The following MYO7A variants were observed in gnomAD, a reference collection of about 807,000 sequenced individuals.
MYO7A encodes myosin VIIA.
In MYO7A, 210 loss-of-function variants were observed where a neutral mutation model predicts 263.8. The ratio of observed to expected loss-of-function variants is 0.80; its 90% confidence interval spans 0.71 to 0.89. The LOEUF (loss-of-function observed/expected upper bound fraction) is 0.89, where lower values mean the gene tolerates loss of function less well. Ranked by LOEUF, MYO7A falls within the 40% of genes least tolerant of loss-of-function variation. The pLI is 0.00. For missense variants in MYO7A, 2,820 were observed against 2,968.3 expected, an observed-to-expected ratio of 0.95 and a Z score of 1.16; for synonymous variants, 1,239 against 1,197.3, an observed-to-expected ratio of 1.03 and a Z score of -0.72.
rs782073796 is a variant in MYO7A at position 77,162,175 on chromosome 11, C to T, written c.1399C>T (p.Arg467Trp). The change falls in exon 13 of 49, where the codon CGG becomes TGG. Residue 467 changes from arginine to tryptophan, a missense_variant. By Grantham distance (101) the Arg-to-Trp change is moderately radical. Transcript: ENST00000409709. ...ANEHLQQFFVRHVFKLEQEEY... is the reference protein window; with the variant it reads ...ANEHLQQFFVWHVFKLEQEEY... Reference sequence around the variant, plus strand: ...TGAGCACCTGCAGCAGTTCTTTGTGCGGCACGTGTTCAAGCTGGAGCAGGA... The same window carrying T: ...TGAGCACCTGCAGCAGTTCTTTGTGTGGCACGTGTTCAAGCTGGAGCAGGA... 1.1e-5 allele frequency: 18 copies of T among 1,602,080 alleles called. No homozygotes were observed. The highest frequency in any genetic ancestry group is 4.5e-5 in the South Asian group (4 of 88,222).
chr11:77,173,232 G>A (rs1380201545), intron 16 of MYO7A, among the ~76,000 whole-genome samples: 1 of 152,218 alleles, frequency 6.6e-6, no homozygotes, highest in African/African-American at 2.4e-5. Flanking sequence ...ATGCAGTAAT[G>A]CTTGCAGATG....
intron 3 of MYO7A, among the ~76,000 whole-genome samples, chr11:77,144,202 G>GA (rs1397417329): frequency 1.2e-4 from 19 of 152,312 alleles, no homozygotes; most frequent in African/African-American, 4.6e-4. Flanking sequence ...TTGGGCCGTA[G>GA]AACCCAAGGC....
chr11:77,188,184 T>C (rs1955780422), intron 27 of MYO7A, among the ~76,000 whole-genome samples: 1 of 152,166 alleles, frequency 6.6e-6, no homozygotes, highest in Non-Finnish European at 1.5e-5. Context: ...TCCCCATCTG[T>C]AAAGTGAGTG....
chr11:77,206,263 A>G (rs1262266143), intron 41 of MYO7A, 61 bp downstream of exon 41: 1 of 1,332,784 alleles, frequency 7.5e-7, no homozygotes, highest in Non-Finnish European at 1.0e-6. Context: ...TCCTGGGTGG[A>G]CACCAAAGGT....
intron 1 of MYO7A, 27 bp from the exon 2 acceptor site, chr11:77,130,562 A>C (rs1195872949): frequency 2.5e-6 from 4 of 1,581,590 alleles, no homozygotes; most frequent in Non-Finnish European, 3.5e-6. Context: ...CCTGCCCAGA[A>C]GCATGACATG....
At chr11:77,157,452 G>A (rs1952601351) in intron 8 of MYO7A, 60 bp downstream of exon 8, 1 of 1,196,548 alleles carries the variant, frequency 8.4e-7, no homozygotes, top group Non-Finnish European at 1.2e-6. Context: ...TAGGGAGCTG[G>A]CTACTGCAGA....
intron 14 of MYO7A, among the ~76,000 whole-genome samples, chr11:77,165,563 G>T (rs1343677659): frequency 6.6e-6 from 1 of 152,132 alleles, no homozygotes; most frequent in African/African-American, 2.4e-5. Flanking sequence ...CTCCCTTTGG[G>T]GGCAGAGGAG....
chr11:77,178,669 G>A (rs1555081814), intron 19 of MYO7A, among the ~76,000 whole-genome samples: 1 of 152,228 alleles, frequency 6.6e-6, no homozygotes, highest in Non-Finnish European at 1.5e-5. Flanking sequence ...TCAGTCAGAA[G>A]ACATGGGCTC....
chr11:77,133,667 T>C (rs1388580549), intron 2 of MYO7A, among the ~76,000 whole-genome samples: 1 of 152,212 alleles, frequency 6.6e-6, no homozygotes, highest in East Asian at 1.9e-4. Context: ...GTTTTTGTTT[T>C]GTTTTGTTTT....
intron 14 of MYO7A, among the ~76,000 whole-genome samples, chr11:77,165,842 C>T (rs1953488213): frequency 6.6e-6 from 1 of 152,082 alleles, no homozygotes; most frequent in Non-Finnish European, 1.5e-5. Context: ...TTGAACAGGC[C>T]TGGAAGAGGG....
chr11:77,204,712 C>A (rs115810006), intron 39 of MYO7A, among the ~76,000 whole-genome samples: 3,699 of 152,296 alleles, frequency 0.024, 145 homozygotes, highest in African/African-American at 0.083. Context: ...CAGGCACAGG[C>A]TCCTCTCAGA....
rs748007093 is a variant in MYO7A, at chr11:77,201,571, G to A, written c.4976G>A (p.Arg1659His). 34 of 1,613,788 alleles carry A rather than the reference G, an allele frequency of 2.1e-5. No homozygotes were observed. The highest frequency in any genetic ancestry group is 2.5e-5 in the Non-Finnish European group (29 of 1,179,874). ...ANGINERTKQ[R>H]GDFPTDSVYV... ...GGCATCAATGAGAGGACCAAGCAGCGTGGGGACTTCCCCACCGACAGTGTG... is the reference window on the plus strand; with the variant it reads ...GGCATCAATGAGAGGACCAAGCAGCATGGGGACTTCCCCACCGACAGTGTG... The change falls in exon 36 of 49, where the codon CGT (arginine) becomes CAT (histidine). Residue 1659 changes from arginine to histidine, a missense_variant. By Grantham distance (29) the Arg-to-His change is conservative (BLOSUM62 0). Transcript: ENST00000409709.
intron 14 of MYO7A, 114 bp downstream of exon 14, chr11:77,163,102 T>G: frequency 9.3e-7 from 1 of 1,077,832 alleles, no homozygotes; most frequent in Non-Finnish European, 1.3e-6. Context: ...TTGTGATTAT[T>G]CATATATATA....
intron 15 of MYO7A, 94 bp from the exon 16 acceptor site, chr11:77,172,654 C>G (rs1489907551): frequency 4.0e-6 from 6 of 1,498,644 alleles, no homozygotes; most frequent in Non-Finnish European, 4.5e-6. Flanking sequence ...ACCCTGACCC[C>G]GCTGACCTCC....
chr11:77,203,789 T>C (rs757157235), intron 38 of MYO7A, among the ~76,000 whole-genome samples: 5 of 152,134 alleles, frequency 3.3e-5, no homozygotes, highest in African/African-American at 7.2e-5. Context: ...GTGAGGAAGC[T>C]TGGGCCGTGT....
rs1206789394 is a variant in MYO7A, at chr11:77,194,161, C to T, written c.4153-193C>T. 5.4e-6 allele frequency: 4 copies of T among 742,370 alleles called. No individual in the cohort carries two copies. In the East Asian group the frequency reaches 1.1e-4, roughly 20 times the overall value. 46.0% of individuals were successfully genotyped at this position (742,370 alleles called of 1,614,324 possible). On this transcript the variant is annotated intron_variant, in intron 31 of 48. Coordinates refer to ENST00000409709, the MANE Select transcript of MYO7A (RefSeq NM_000260.4). ...GAGAAGGTGAGGGTGTGGCCCTGCCCTTGGGGAGCTCATGGTTCCTCTGAG... is the reference window on the plus strand; with the variant it reads ...GAGAAGGTGAGGGTGTGGCCCTGCCTTTGGGGAGCTCATGGTTCCTCTGAG...
chr11:77,159,403 G>GGCCACCCCCCCC, intron 9 of MYO7A, 44 bp from the exon 10 acceptor site: 1 of 711,722 alleles, frequency 1.4e-6, no homozygotes. Context: ...TGCCCCTGTT[G>GGCCACCCCCCCC]CCCACCCTCC....
rs1951001365 is a variant in MYO7A, at chr11:77,138,393, G to C, written c.19-4316G>C. 6.6e-6 allele frequency among the ~76,000 whole-genome samples: 1 copy of C among 152,200 alleles called. No individual in the cohort carries two copies. Among genetic ancestry groups the C allele is most frequent in the South Asian group, 2.1e-4 (1 of 4,836 alleles). On this transcript the variant is annotated intron_variant, in intron 2 of 48. Coordinates refer to ENST00000409709, the MANE Select transcript of MYO7A (RefSeq NM_000260.4). This position sits in a 1 kb window ranked among gnomAD's most constrained non-coding sequence, Gnocchi z 4.9. ...CGCTGGTGCGCAGCCTGAACCAGGC[G>C]TTCAAGACCTACGCCGTCCTGCCGG... is the stretch of plus-strand genomic sequence containing the variant.
At position 77,198,576 on chromosome 11, in the gene MYO7A, T is replaced by C; in HGVS notation, c.4523T>C (p.Leu1508Pro). Residue 1508 changes from leucine (L) to proline (P), a missense_variant, in exon 34 of 49, where the codon CTT (leucine) becomes CCT (proline). Leu to Pro is a moderately conservative substitution (Grantham distance 98). Transcript: ENST00000409709. ...TTTGTGGATGAGCAGGAGCAGGTACTTCTGGAGCTGTCCTTCCCAGAGATC... is the reference window on the plus strand; with the variant it reads ...TTTGTGGATGAGCAGGAGCAGGTACCTCTGGAGCTGTCCTTCCCAGAGATC... Reference protein sequence around the residue: ...VYFVDEQEQVLLELSFPEIMA... With the variant: ...VYFVDEQEQVPLELSFPEIMA... The C allele has an allele frequency of 1.2e-6, 2 of 1,613,940 alleles. No homozygotes were observed. The highest frequency in any genetic ancestry group is 2.7e-5 in the African/African-American group (2 of 75,050).
Sources: gnomAD v4.1 joint callset for allele counts (sites outside exome capture counted in the v4.1 genomes callset) on GRCh38, gnomAD v4.1.1 for gene constraint, Gnocchi (gnomAD v3.1) non-coding constraint, MANE v1.5 for transcripts, NCBI Gene and HGNC (gene_info 2026-07-23, HGNC 2026-07-21) for gene names.